FAM78B: variants seen among roughly 807,000 people sequenced by gnomAD.
FAM78B encodes the protein protein FAM78B.
Under a neutral mutation model 20.0 loss-of-function variants are expected in FAM78B, and 10 were observed. That is an observed-to-expected ratio of 0.50 (90% CI 0.31 to 0.85). The LOEUF is 0.85. FAM78B is among the 40% of genes least tolerant of loss of function. The pLI is 0.05. For synonymous variants in FAM78B, 135 were observed against 132.8 expected, an observed-to-expected ratio of 1.02 and a Z score of -0.12; for missense variants, 283 against 345.0, an observed-to-expected ratio of 0.82 and a Z score of 1.42.
chr1:166,113,635 C>T (rs944463920), intron 1 of FAM78B, among the ~76,000 whole-genome samples: 1 of 152,232 alleles, frequency 6.6e-6, no homozygotes, highest in Admixed American at 6.5e-5. Context: ...GCTGGAAGGA[C>T]TGGAGCCACA....
intron 2 of FAM78B, among the ~76,000 whole-genome samples, chr1:166,064,121 G>A (rs1651711865): frequency 6.6e-6 from 1 of 152,166 alleles, no homozygotes; most frequent in South Asian, 2.1e-4. Context: ...TAGGGCCATG[G>A]GGAATGGGGC....
intron 1 of FAM78B, among the ~76,000 whole-genome samples, chr1:166,124,891 C>T (rs1347035959): frequency 1.3e-5 from 2 of 152,186 alleles, no homozygotes; most frequent in Non-Finnish European, 2.9e-5. Flanking sequence ...TCCTGGCAGA[C>T]CTGGTGTGGG....
At chr1:166,112,670 T>C (rs1654101705) in intron 1 of FAM78B, among the ~76,000 whole-genome samples, 2 of 152,194 alleles carry the variant, frequency 1.3e-5, no homozygotes, top group African/African-American at 4.8e-5. Flanking sequence ...GAGGCAGGCA[T>C]TATCCACACC....
chr1:166,112,727 G>A (rs1423413028), intron 1 of FAM78B, among the ~76,000 whole-genome samples: 1 of 152,136 alleles, frequency 6.6e-6, no homozygotes, highest in African/African-American at 2.4e-5. Flanking sequence ...GCAAGGCTAT[G>A]GTCCACCTAG....
chr1:166,094,183 T>G (rs1653186640), intron 1 of FAM78B, among the ~76,000 whole-genome samples: 1 of 151,924 alleles, frequency 6.6e-6, no homozygotes, highest in Middle Eastern at 3.2e-3. Flanking sequence ...CAGATAGCAC[T>G]TAGGAACATG....
At chr1:166,078,324 TG>T (rs1283064105) in intron 1 of FAM78B, among the ~76,000 whole-genome samples, 1 of 152,098 alleles carries the variant, frequency 6.6e-6, no homozygotes, top group Non-Finnish European at 1.5e-5. Flanking sequence ...CCACCGTGCC[TG>T]GCCGTCAATA....
At chr1:166,100,038 C>T (rs1653450226) in intron 1 of FAM78B, among the ~76,000 whole-genome samples, 1 of 152,144 alleles carries the variant, frequency 6.6e-6, no homozygotes, top group Admixed American at 6.5e-5. Context: ...AAATTTAAGA[C>T]AACTGAAATT....
At chr1:166,106,043 C>T (rs1653767196) in intron 1 of FAM78B, among the ~76,000 whole-genome samples, 1 of 151,586 alleles carries the variant, frequency 6.6e-6, no homozygotes, top group South Asian at 2.1e-4. Flanking sequence ...ATGATGAGTT[C>T]ATGTCCTTTG....
At chr1:166,079,458 G>A (rs1652478042) in intron 1 of FAM78B, among the ~76,000 whole-genome samples, 1 of 152,206 alleles carries the variant, frequency 6.6e-6, no homozygotes, top group Non-Finnish European at 1.5e-5. Context: ...CACTGTGTAT[G>A]CACTTTTGGG....
chr1:166,164,737 G>C (rs1346170289), intron 1 of FAM78B: 1 of 152,278 alleles, frequency 6.6e-6, no homozygotes, highest in East Asian at 1.9e-4. Flanking sequence ...AAGATGGTTT[G>C]ACCTTTTAAA....
At chr1:166,064,060 C>T (rs1651709966) in intron 2 of FAM78B, among the ~76,000 whole-genome samples, 1 of 152,134 alleles carries the variant, frequency 6.6e-6, no homozygotes, top group Admixed American at 6.5e-5. Context: ...GGTATGGGGA[C>T]AGGGAGCCCT....
chr1:166,164,247 C>T (rs74118982), intron 1 of FAM78B, among the ~76,000 whole-genome samples: 9,975 of 152,324 alleles, frequency 0.065, 648 homozygotes, highest in Admixed American at 0.14. Flanking sequence ...CCCCAGGCTG[C>T]TGTGGGGAGC....
intron 1 of FAM78B, among the ~76,000 whole-genome samples, chr1:166,095,819 G>A (rs1355106157): frequency 1.3e-5 from 2 of 152,154 alleles, no homozygotes; most frequent in Non-Finnish European, 2.9e-5. Context: ...GTGTTGGGGT[G>A]GTGACGAGTA....
At chr1:166,137,840 T>C (rs1655124796) in intron 1 of FAM78B, among the ~76,000 whole-genome samples, 1 of 152,198 alleles carries the variant, frequency 6.6e-6, no homozygotes, top group Non-Finnish European at 1.5e-5. Context: ...CTTCAATTGC[T>C]CCATACCTGC....
At chr1:166,130,858 T>C (rs1383179269) in intron 1 of FAM78B, among the ~76,000 whole-genome samples, 1 of 152,070 alleles carries the variant, frequency 6.6e-6, no homozygotes, top group Non-Finnish European at 1.5e-5. Context: ...AGCCAGACAC[T>C]GTGGCAGAAC....
chr1:166,096,265 A>C (rs1653270793), intron 1 of FAM78B, among the ~76,000 whole-genome samples: 1 of 152,162 alleles, frequency 6.6e-6, no homozygotes, highest in African/African-American at 2.4e-5. Context: ...TTGGAGTTCT[A>C]CTATTACCCA....
intron 1 of FAM78B, among the ~76,000 whole-genome samples, chr1:166,097,927 C>A: frequency 6.6e-6 from 1 of 152,184 alleles, no homozygotes; most frequent in East Asian, 1.9e-4. Flanking sequence ...AGCCAACCAG[C>A]ACAAAAATAG....
intron 1 of FAM78B, among the ~76,000 whole-genome samples, chr1:166,141,781 T>C (rs917434919): frequency 2.6e-5 from 4 of 152,204 alleles, no homozygotes; most frequent in Non-Finnish European, 5.9e-5. Flanking sequence ...GGCTTTTGCA[T>C]GGACACTGAC....
chr1:166,084,371 G>A (rs940854538), intron 1 of FAM78B, among the ~76,000 whole-genome samples: 1 of 151,828 alleles, frequency 6.6e-6, no homozygotes, highest in Non-Finnish European at 1.5e-5. Flanking sequence ...CATGACTTTT[G>A]GGCTCCAAAG....
Sources: gnomAD v4.1 joint callset for allele counts (sites outside exome capture counted in the v4.1 genomes callset) on GRCh38, gnomAD v4.1.1 for gene constraint, MANE v1.5 for transcripts, NCBI Gene and HGNC (gene_info 2026-07-23, HGNC 2026-07-21) for gene names.